Variants in ADAMTS6 observed in about 807,000 individuals in gnomAD.
The protein encoded by ADAMTS6 is A disintegrin and metalloproteinase with thrombospondin motifs 6.
Under a neutral mutation model 144.3 loss-of-function variants are expected in ADAMTS6, and 23 were observed. That is an observed-to-expected ratio of 0.16 (90% CI 0.11 to 0.23). ADAMTS6 has a LOEUF of 0.23. ADAMTS6 is among the 10% of genes least tolerant of loss of function. The pLI, the probability that ADAMTS6 is intolerant of heterozygous loss-of-function variation, is 1.00. For synonymous variants in ADAMTS6, 444 were observed against 457.5 expected, an observed-to-expected ratio of 0.97 and a Z score of 0.38; for missense variants, 999 against 1,379.6, an observed-to-expected ratio of 0.72 and a Z score of 4.37.
At chr5:65,440,535 G>A (rs74599822) in intron 7 of ADAMTS6, among the ~76,000 whole-genome samples, 104 of 152,288 alleles carry the variant, frequency 6.8e-4, no homozygotes, top group African/African-American at 2.5e-3. Flanking sequence ...ACAGGACTAA[G>A]TACAGCAGCA....
chr5:65,459,501 G>C (rs1027834371), intron 4 of ADAMTS6, among the ~76,000 whole-genome samples: 6 of 151,960 alleles, frequency 3.9e-5, no homozygotes, highest in African/African-American at 1.5e-4. Context: ...CCAGTTACAT[G>C]AACTGTCTGT....
In ADAMTS6 at chr5:65,170,710, G is replaced by C. The variant is rs1753563584; in HGVS notation, c.3151C>G (p.Gln1051Glu). 6.2e-7 allele frequency: 1 copy of C among 1,614,000 alleles called. No individual in the cohort carries two copies. The highest frequency in any genetic ancestry group is 8.5e-7 in the Non-Finnish European group (1 of 1,180,022). The change falls in exon 24 of 25, where the codon CAG becomes GAG. Residue 1051 changes from glutamine to glutamate, a missense_variant. Gln to Glu is a conservative substitution (Grantham distance 29, BLOSUM62 2). Transcript: ENST00000381055. ...GTTTCTAGACAGTCACTAGATGCCTGTCCGGTGTAGGAGAGACACTGCACA... is the reference window on the plus strand; with the variant it reads ...GTTTCTAGACAGTCACTAGATGCCTCTCCGGTGTAGGAGAGACACTGCACA... ...RTVQCLSYTG[Q>E]ASSDCLETVR... is the part of the protein sequence containing the mutation.
At chr5:65,296,017 G>A (rs1742802764) in intron 10 of ADAMTS6, among the ~76,000 whole-genome samples, 1 of 151,914 alleles carries the variant, frequency 6.6e-6, no homozygotes, top group Non-Finnish European at 1.5e-5. Context: ...AACACATTAG[G>A]ATATACTCTT....
intron 3 of ADAMTS6, among the ~76,000 whole-genome samples, chr5:65,465,292 A>T (rs1020728711): frequency 2.6e-5 from 4 of 152,150 alleles, no homozygotes; most frequent in African/African-American, 9.7e-5. Context: ...ACAATCACAA[A>T]TACCCACCTA....
chr5:65,313,057 GA>G lies in ADAMTS6; in HGVS notation c.1224-12927del, dbSNP rs1316517134. Among the ~76,000 whole-genome samples, 6 of 150,396 alleles carry G rather than the reference GA, an allele frequency of 4.0e-5. No individual in the cohort carries two copies. The East Asian group carries it at 1.2e-3, about 30-fold the overall frequency. On this transcript the variant is annotated intron_variant, in intron 9 of 24. Coordinates refer to ENST00000381055, the MANE Select transcript of ADAMTS6 (RefSeq NM_197941.4). ...TTCTTTATTTTTCCAGCAAAATGAA[GA>G]AAAATCTCTCATCAAAGTTCCCAAG...
intron 1 of ADAMTS6, among the ~76,000 whole-genome samples, chr5:65,476,217 T>C (rs993131585): frequency 7.3e-5 from 11 of 151,664 alleles, no homozygotes; most frequent in South Asian, 6.2e-4. Context: ...TGTTCAGTAA[T>C]AGGTGAGCTT....
At chr5:65,346,302 T>C (rs1370153956) in intron 7 of ADAMTS6, among the ~76,000 whole-genome samples, 1 of 151,870 alleles carries the variant, frequency 6.6e-6, no homozygotes, top group Non-Finnish European at 1.5e-5. Flanking sequence ...ATGGGATTCA[T>C]TCTGGAGATG....
At chr5:65,352,603 T>C (rs1748963962) in intron 7 of ADAMTS6, among the ~76,000 whole-genome samples, 1 of 151,980 alleles carries the variant, frequency 6.6e-6, no homozygotes, top group Admixed American at 6.6e-5. Context: ...TTAGAATAGA[T>C]CAGATGACTC....
rs780677242 is a variant in ADAMTS6 at position 65,452,201 on chromosome 5, G to C, written c.859C>G (p.Arg287Gly). ...SVMNIVAKLY[R>G]DSSLGNVVNI... ...ACAACGTTTCCTAGGCTGGAATCAC[G>C]GTAAAGTTTGGCAACCTGACCTCCA... The change falls in exon 6 of 25, where the codon CGT (arginine) becomes GGT (glycine). Residue 287 changes from arginine (R) to glycine (G), a missense_variant. Coordinates refer to ENST00000381055, the MANE Select transcript of ADAMTS6 (RefSeq NM_197941.4). The C allele has an allele frequency of 6.2e-7, 1 of 1,612,542 alleles. No individual in the cohort carries two copies. The highest frequency in any genetic ancestry group is 8.5e-7 in the Non-Finnish European group (1 of 1,179,110).
At chr5:65,476,114 T>C (rs1318440472) in intron 1 of ADAMTS6, among the ~76,000 whole-genome samples, 1 of 152,230 alleles carries the variant, frequency 6.6e-6, no homozygotes, top group African/African-American at 2.4e-5. Context: ...TGTCATTTGT[T>C]GAGGCCCACA....
chr5:65,471,242 A>T, intron 2 of ADAMTS6, 100 bp from the exon 3 acceptor site: 1 of 1,203,796 alleles, frequency 8.3e-7, no homozygotes, highest in Admixed American at 3.5e-5. Flanking sequence ...AACTATGTCA[A>T]TTAAAACTAT....
chr5:65,444,447 T>A (rs1215930217), intron 7 of ADAMTS6, among the ~76,000 whole-genome samples: 1 of 152,204 alleles, frequency 6.6e-6, no homozygotes, highest in Non-Finnish European at 1.5e-5. Context: ...TCTATTGCAT[T>A]TTTATATACC....
At chr5:65,417,456 G>A (rs555766578) in intron 7 of ADAMTS6, among the ~76,000 whole-genome samples, 37 of 152,232 alleles carry the variant, frequency 2.4e-4, no homozygotes, top group Non-Finnish European at 4.9e-4. Context: ...CGCATAGGAT[G>A]ATATAATCCT....
chr5:65,280,487 CCTTT>C (rs752339816), intron 11 of ADAMTS6, among the ~76,000 whole-genome samples: 15 of 152,134 alleles, frequency 9.9e-5, no homozygotes, highest in African/African-American at 3.6e-4. Context: ...TTTCTTTAGG[CCTTT>C]CTAAGAGTCT....
At chr5:65,326,121 C>T (rs1003533649) in intron 9 of ADAMTS6, among the ~76,000 whole-genome samples, 6 of 151,888 alleles carry the variant, frequency 4.0e-5, no homozygotes, top group Non-Finnish European at 8.8e-5. Context: ...TTTAAGACCC[C>T]TTGTTAAGAT....
chr5:65,194,721 C>G lies in ADAMTS6; in HGVS notation c.2705+2301G>C, dbSNP rs529031730. 1.6e-4 allele frequency among the ~76,000 whole-genome samples: 24 copies of G among 152,090 alleles called. 1 individual carries two copies. In the South Asian group the frequency reaches 5.0e-3, roughly 32 times the overall value. On this transcript the variant is annotated intron_variant, in intron 21 of 24. Transcript: ENST00000381055. ...TACATTTAGGTCTTTAAAAAAAACC[C>G]ATCAGACTAAACTTTCTATTTTTCC... is the stretch of plus-strand genomic sequence containing the variant.
At chr5:65,389,789 G>T (rs576373447) in intron 7 of ADAMTS6, among the ~76,000 whole-genome samples, 1 of 152,088 alleles carries the variant, frequency 6.6e-6, no homozygotes, top group Admixed American at 6.6e-5. Flanking sequence ...TCAGTTTTCA[G>T]GCTTTATATG....
intron 14 of ADAMTS6, among the ~76,000 whole-genome samples, chr5:65,248,361 A>G (rs1433927536): frequency 2.0e-5 from 3 of 152,154 alleles, no homozygotes; most frequent in Non-Finnish European, 4.4e-5. Context: ...TGTCCAGACA[A>G]ACTTGAATGT....
chr5:65,450,669 A>G (rs762921871), intron 7 of ADAMTS6, among the ~76,000 whole-genome samples: 10 of 152,178 alleles, frequency 6.6e-5, no homozygotes, highest in Non-Finnish European at 1.5e-4. Context: ...AAGTAAGAGT[A>G]TTAAAAACTA....
Sources: allele counts gnomAD v4.1 joint callset (sites outside exome capture counted in the v4.1 genomes callset), GRCh38; gene constraint gnomAD v4.1.1; transcripts MANE v1.5; gene names NCBI Gene and HGNC (gene_info 2026-07-23, HGNC 2026-07-21).